The following ANKRD36B variants were observed in gnomAD, a reference collection of about 807,000 sequenced individuals.
ANKRD36B encodes ankyrin repeat domain-containing protein 36B.
ANKRD36B carries 37 observed loss-of-function variants against 135.7 expected under a neutral mutation model. That is an observed-to-expected ratio of 0.27 (90% CI 0.21 to 0.36). The LOEUF (loss-of-function observed/expected upper bound fraction) is 0.36, where lower values mean the gene tolerates loss of function less well. Among genes scored for constraint, ANKRD36B ranks in the 10% least tolerant of loss-of-function variants. The pLI, the probability that ANKRD36B is intolerant of heterozygous loss-of-function variation, is 1.00. For missense variants in ANKRD36B, 549 were observed against 1,037.1 expected (o/e 0.53, Z 6.46); for synonymous variants, 179 against 348.1 (o/e 0.51, Z 5.41).
rs1403928734 is a variant in ANKRD36B at position 97,565,803 on chromosome 2, A to G, written c.764-4943T>C. 2.0e-5 allele frequency among the ~76,000 whole-genome samples: 3 copies of G among 152,062 alleles called. 1 individual carries two copies. The highest frequency in any genetic ancestry group is 7.2e-5 in the African/African-American group (3 of 41,432). On this transcript the variant is annotated intron_variant, in intron 6 of 43. Coordinates refer to ENST00000359901, the MANE Select transcript of ANKRD36B (RefSeq NM_001393939.1). Reference sequence around the variant, plus strand: ...GTGGAAGACAGTGTGGTGATTCCTCAAGGATCTAGAACCGGAAATACCATT... The same window carrying G: ...GTGGAAGACAGTGTGGTGATTCCTCGAGGATCTAGAACCGGAAATACCATT...
At chr2:97,576,566 C>A in intron 5 of ANKRD36B, 120 bp from the exon 6 acceptor site, 1 of 289,966 alleles carries the variant, frequency 3.4e-6, no homozygotes. Flanking sequence ...CTATACACTT[C>A]TCTTTTGTAA....
rs372307924 is a variant in ANKRD36B at position 97,578,920 on chromosome 2, C to A, written c.681G>T (p.Glu227Asp). 11 of 1,612,744 alleles carry A rather than the reference C, an allele frequency of 6.8e-6. No homozygotes were observed. The African/African-American group carries it at 1.5e-4, about 22-fold the overall frequency. The change falls in exon 5 of 44, where the codon GAG (glutamate) becomes GAT (aspartate). Residue 227 changes from glutamate to aspartate, a missense_variant. Glu to Asp is a conservative substitution (Grantham distance 45). Coordinates refer to ENST00000359901, the MANE Select transcript of ANKRD36B (RefSeq NM_001393939.1). ...TAAAGACTTACACTCTATTCTCAGC[C>A]TCACTGGCATAATCTTCTGCAAGCT... ...YGKLAEDYAS[E>D]AENRVIFDLI...
chr2:97,565,933 A>C (rs1247456410), intron 6 of ANKRD36B, among the ~76,000 whole-genome samples: 1 of 151,520 alleles, frequency 6.6e-6, no homozygotes, highest in African/African-American at 2.4e-5. Context: ...AATCTCAGCT[A>C]CTCAGAAGGC....
chr2:97,569,452 G>A (rs1413141295), intron 6 of ANKRD36B, among the ~76,000 whole-genome samples: 2 of 152,076 alleles, frequency 1.3e-5, no homozygotes, highest in African/African-American at 4.8e-5. Flanking sequence ...CAAATTTCAG[G>A]GCAGTGTAAG....
intron 14 of ANKRD36B, 122 bp from the exon 15 acceptor site, chr2:97,553,493 T>C (rs1358728149): frequency 4.9e-6 from 6 of 1,234,220 alleles, no homozygotes; most frequent in African/African-American, 1.5e-5. Context: ...TTTGATGTTT[T>C]CTACTTTATG....
intron 37 of ANKRD36B, among the ~76,000 whole-genome samples, chr2:97,514,937 T>A: frequency 1.3e-5 from 1 of 78,472 alleles, no homozygotes. Flanking sequence ...GGGAGTCTCC[T>A]ACTATCACTG....
intron 6 of ANKRD36B, among the ~76,000 whole-genome samples, chr2:97,569,156 C>T (rs925389206): frequency 3.9e-5 from 6 of 152,130 alleles, no homozygotes; most frequent in Non-Finnish European, 7.4e-5. Flanking sequence ...TCATTTTCCT[C>T]AACCCTCCCC....
In ANKRD36B at chr2:97,545,499, A is replaced by C. The variant is rs1328046714; in HGVS notation, c.1681+167T>G. ...AAATCTTAGTACTTTCAGCATGGAC[A>C]AGGACCACAGCATCAGGGTCACCCG... On this transcript the variant is annotated intron_variant, in intron 24 of 43. Coordinates refer to ENST00000359901, the MANE Select transcript of ANKRD36B (RefSeq NM_001393939.1). Among the ~76,000 whole-genome samples the C allele has an allele frequency of 2.1e-5, 2 of 95,836 alleles. 1 individual carries two copies. The highest frequency in any genetic ancestry group is 6.2e-5 in the African/African-American group (2 of 32,148). 62.9% of individuals were successfully genotyped at this position (95,836 alleles called of 152,430 possible). A position where few individuals can be genotyped will look rare whatever the true frequency, so the allele number is the denominator to read the frequency against.
Position 97,529,555 on chromosome 2 carries a change from C to G in ANKRD36B, c.2265+2756G>C, listed in dbSNP as rs1293851849. On this transcript the variant is annotated intron_variant, in intron 35 of 43. Transcript: ENST00000359901. ...CATAGTGTTGGAAGTTCTGGCCAGG[C>G]CCATTAGGCAGGAGAAGGAAATAAA... is the stretch of plus-strand genomic sequence containing the variant. 3.2e-5 allele frequency among the ~76,000 whole-genome samples: 3 copies of G among 94,758 alleles called. 1 individual carries two copies. Among genetic ancestry groups the G allele is most frequent in the Non-Finnish European group, 5.6e-5 (2 of 35,846 alleles). 62.2% of individuals were successfully genotyped at this position (94,758 alleles called of 152,430 possible). A position where few individuals can be genotyped will look rare whatever the true frequency, so the allele number is the denominator to read the frequency against.
intron 6 of ANKRD36B, among the ~76,000 whole-genome samples, chr2:97,574,520 C>T (rs1256465611): frequency 6.6e-6 from 1 of 152,110 alleles, no homozygotes; most frequent in African/African-American, 2.4e-5. Context: ...AGCATTTGAC[C>T]CAGCCATCCC....
chr2:97,496,833 G>GTATATATATATA lies in ANKRD36B; in HGVS notation c.*7-3990_*7-3979dup, dbSNP rs56775263. 1.4e-3 allele frequency among the ~76,000 whole-genome samples: 88 copies of GTATATATATATA among 62,052 alleles called. 4 individuals carry two copies. The highest frequency in any genetic ancestry group is 7.6e-3 in the African/African-American group (86 of 11,372). The allele number at this position is 62,052 out of a possible 152,430, so 40.7% of individuals were successfully genotyped here. On this transcript the variant is annotated intron_variant, in intron 43 of 43. Coordinates refer to ENST00000359901, the MANE Select transcript of ANKRD36B (RefSeq NM_001393939.1). ...TGTGTGTGTATGTATATATGTGTGT[G>GTATATATATATA]TATATATATATATATATATATATAT...
chr2:97,551,414 C>T (rs370935310), intron 17 of ANKRD36B, 38 bp downstream of exon 17: 49 of 1,605,532 alleles, frequency 3.1e-5, no homozygotes, highest in Non-Finnish European at 3.8e-5. Context: ...ATAGGCTATA[C>T]GTTTACTAGC....
At chr2:97,555,003 G>T (rs1035233016) in intron 14 of ANKRD36B, 57 bp downstream of exon 14, 2 of 1,580,886 alleles carry the variant, frequency 1.3e-6, no homozygotes, top group Non-Finnish European at 1.7e-6. Context: ...ATTTGGGGAA[G>T]AGAAGTTCTT....
chr2:97,573,137 C>T (rs576986216), intron 6 of ANKRD36B, among the ~76,000 whole-genome samples: 1 of 151,948 alleles, frequency 6.6e-6, no homozygotes, highest in South Asian at 2.1e-4. Context: ...TTGTTCAATT[C>T]CCAGCTATGA....
At chr2:97,556,561 T>C (rs944259336) in intron 12 of ANKRD36B, among the ~76,000 whole-genome samples, 1 of 151,896 alleles carries the variant, frequency 6.6e-6, no homozygotes, top group African/African-American at 2.4e-5. Flanking sequence ...GACAACTTCC[T>C]CCCTCTGGTT....
At chr2:97,559,411 C>T (rs2080826698) in intron 8 of ANKRD36B, among the ~76,000 whole-genome samples, 2 of 151,790 alleles carry the variant, frequency 1.3e-5, no homozygotes, top group South Asian at 4.1e-4. Context: ...GTTCATTATG[C>T]CCTTTAACTT....
At chr2:97,586,053 C>T (rs2082960119) in intron 1 of ANKRD36B, among the ~76,000 whole-genome samples, 2 of 152,122 alleles carry the variant, frequency 1.3e-5, no homozygotes, top group East Asian at 1.9e-4. Context: ...AGTAATGTGG[C>T]ATCACCCAAT....
At chr2:97,577,879 A>G (rs2082327384) in intron 5 of ANKRD36B, among the ~76,000 whole-genome samples, 2 of 152,064 alleles carry the variant, frequency 1.3e-5, no homozygotes, top group South Asian at 4.1e-4. Context: ...AGAAGCTTCC[A>G]CTACCTGAGA....
intron 2 of ANKRD36B, 30 bp downstream of exon 2, chr2:97,585,254 C>A (rs2082897318): frequency 6.3e-7 from 1 of 1,581,942 alleles, no homozygotes; most frequent in Non-Finnish European, 8.6e-7. Flanking sequence ...CCAAATCCAT[C>A]TCATGCTCAA....
Sources: gnomAD v4.1 joint callset for allele counts (sites outside exome capture counted in the v4.1 genomes callset) on GRCh38, gnomAD v4.1.1 for gene constraint, MANE v1.5 for transcripts, NCBI Gene and HGNC (gene_info 2026-07-23, HGNC 2026-07-21) for gene names.